Variants in SDK2 observed in about 807,000 individuals in gnomAD.
SDK2 encodes sidekick cell adhesion molecule 2.
In SDK2, 105 loss-of-function variants were observed where a neutral mutation model predicts 253.9. The ratio of observed to expected loss-of-function variants is 0.41; its 90% confidence interval spans 0.35 to 0.49. The LOEUF is 0.49. Among genes scored for constraint, SDK2 ranks in the 20% least tolerant of loss-of-function variants. SDK2 has a pLI of 0.06. For missense variants in SDK2, 2,608 were observed against 3,003.0 expected, an observed-to-expected ratio of 0.87 and a Z score of 3.07; for synonymous variants, 1,249 against 1,234.9, an observed-to-expected ratio of 1.01 and a Z score of -0.24.
intron 1 of SDK2, among the ~76,000 whole-genome samples, chr17:73,593,140 T>A (rs1278528285): frequency 6.6e-6 from 1 of 152,086 alleles, no homozygotes; most frequent in East Asian, 1.9e-4. Flanking sequence ...CTGCAGGTCT[T>A]CCCTCGACAG....
At chr17:73,394,001 C>T (rs1364781384) in intron 26 of SDK2, among the ~76,000 whole-genome samples, 1 of 152,234 alleles carries the variant, frequency 6.6e-6, no homozygotes, top group Non-Finnish European at 1.5e-5. Context: ...TGGAGCAGCC[C>T]TAGGCCCTGG....
chr17:73,604,457 C>T (rs969461927), intron 1 of SDK2, among the ~76,000 whole-genome samples: 1 of 152,242 alleles, frequency 6.6e-6, no homozygotes, highest in African/African-American at 2.4e-5. Context: ...TGCAACCACA[C>T]ATGACACTTT....
At chr17:73,504,236 A>AGAGAG (rs2063914254) in intron 2 of SDK2, 2 of 91,646 alleles carry the variant, frequency 2.2e-5, no homozygotes, top group African/African-American at 8.7e-5. Context: ...GAGAGAGAGA[A>AGAGAG]AGTGTGTGTG....
At position 73,379,662 on chromosome 17, in the gene SDK2, C is replaced by G; in HGVS notation, c.4763-113G>C. On this transcript the variant is annotated intron_variant, in intron 34 of 44. Transcript: ENST00000392650. This position sits in a 1 kb window ranked among gnomAD's most constrained non-coding sequence, Gnocchi z 4.5. The stretch of plus-strand genomic sequence containing the variant: ...GGAGGAATGAGGCACCCCCGCCATT[C>G]TAGCCCCCTCTGTGAAGGTGCATGA... 1.5e-6 allele frequency: 1 copy of G among 659,176 alleles called. No homozygotes were observed. The allele number at this position is 659,176 out of a possible 1,614,324, so 40.8% of individuals were successfully genotyped here.
chr17:73,359,686 C>T (rs1480276797), intron 39 of SDK2, among the ~76,000 whole-genome samples: 2 of 152,310 alleles, frequency 1.3e-5, no homozygotes, highest in Non-Finnish European at 2.9e-5. Flanking sequence ...CACTCTGTTG[C>T]CCAGGCGGGA....
In SDK2 at chr17:73,352,352, GTTTTTGTTCCC is replaced by G; in HGVS notation, c.5758+110_5758+120del. On this transcript the variant is annotated intron_variant, in intron 41 of 44. Transcript: ENST00000392650. This position sits in a 1 kb window ranked among gnomAD's most constrained non-coding sequence, Gnocchi z 4.1. ...CTTCACAGCCCCGAGGGGACAATGT[GTTTTTGTTCCC>G]GCCCCATGCTCCTGGTGCCCTGGTG... 7.9e-7 allele frequency: 1 copy of G among 1,271,712 alleles called. No homozygotes were observed. The highest frequency in any genetic ancestry group is 1.1e-6 in the Non-Finnish European group (1 of 930,608). The allele number at this position is 1,271,712 out of a possible 1,614,324, so 78.8% of individuals were successfully genotyped here.
chr17:73,364,423 G>A (rs1003939582), intron 38 of SDK2, among the ~76,000 whole-genome samples: 6 of 152,096 alleles, frequency 3.9e-5, no homozygotes. Context: ...AGATAGCAGT[G>A]GGGGGTGCAG....
intron 18 of SDK2, among the ~76,000 whole-genome samples, chr17:73,406,629 G>A (rs955583128): frequency 6.6e-6 from 1 of 152,174 alleles, no homozygotes. Context: ...AGGGGAGTGA[G>A]AGGACAAGGA....
intron 2 of SDK2, among the ~76,000 whole-genome samples, chr17:73,501,058 A>AG (rs796264451): frequency 7.2e-5 from 11 of 152,248 alleles, no homozygotes; most frequent in African/African-American, 2.4e-4. Context: ...GAGAAGAGGG[A>AG]GCTGAGAGCG....
intron 1 of SDK2, among the ~76,000 whole-genome samples, chr17:73,621,428 A>C (rs2046131494): frequency 6.6e-6 from 1 of 152,224 alleles, no homozygotes; most frequent in Non-Finnish European, 1.5e-5. Flanking sequence ...CATGCAACCC[A>C]TTCTCAAGAT....
chr17:73,507,635 T>G (rs555547991), intron 1 of SDK2, 38 bp from the exon 2 acceptor site: 19 of 1,542,516 alleles, frequency 1.2e-5, no homozygotes, highest in African/African-American at 2.7e-5. Context: ...AGTGATCACT[T>G]GCTCACCTAT....
chr17:73,368,625 G>A lies in SDK2; in HGVS notation c.4981-32C>T, dbSNP rs1190632570. The stretch of plus-strand genomic sequence containing the variant: ...GAACAGAAGGATGTGGGAGTGAGGG[G>A]GACAGGGGCAATGAGAGTCCCTCCT... On this transcript the variant is annotated intron_variant, in intron 36 of 44. Coordinates refer to ENST00000392650, the MANE Select transcript of SDK2 (RefSeq NM_001144952.2). 17 of 1,502,934 alleles carry A rather than the reference G, an allele frequency of 1.1e-5. No homozygotes were observed. The East Asian group carries it at 3.2e-4, about 28-fold the overall frequency. The allele number at this position is 1,502,934 out of a possible 1,614,324, so 93.1% of individuals were successfully genotyped here.
intron 39 of SDK2, among the ~76,000 whole-genome samples, chr17:73,359,542 A>T (rs1220102439): frequency 2.0e-5 from 3 of 152,136 alleles, no homozygotes; most frequent in Non-Finnish European, 4.4e-5. Flanking sequence ...CAGAGCCTGC[A>T]CCTTCTCCGG....
At chr17:73,407,290 T>C (rs2063086922) in intron 18 of SDK2, among the ~76,000 whole-genome samples, 1 of 152,076 alleles carries the variant, frequency 6.6e-6, no homozygotes, top group South Asian at 2.1e-4. Context: ...TCATACCAAA[T>C]TGCAAGGAAG....
Position 73,414,707 on chromosome 17 carries a change from G to A in SDK2, c.2421C>T (p.Thr807=). ...TGGGGGCGTTCCAGGTGAAGCGGAT[G>A]GTCGTGGAATTGGTGGCTTCCGCGT... The part of the protein sequence containing the change: ...NVHAEATNST[T]IRFTWNAPSP... The change falls in exon 18 of 45, where the codon ACC becomes ACT. Residue 807 remains threonine, a synonymous_variant. Transcript: ENST00000392650. The A allele has an allele frequency of 6.2e-7, 1 of 1,613,988 alleles. No homozygotes were observed. The highest frequency in any genetic ancestry group is 8.5e-7 in the Non-Finnish European group (1 of 1,179,884).
chr17:73,462,671 G>A (rs1220877936), intron 3 of SDK2, among the ~76,000 whole-genome samples: 1 of 152,082 alleles, frequency 6.6e-6, no homozygotes, highest in African/African-American at 2.4e-5. Context: ...TATATGTGGT[G>A]GAAGGATGGT....
chr17:73,617,085 A>G (rs2046067659), intron 1 of SDK2, among the ~76,000 whole-genome samples: 2 of 151,788 alleles, frequency 1.3e-5, no homozygotes, highest in South Asian at 4.2e-4. Context: ...GAGAGAGCTG[A>G]CCTCGCACTG....
intron 2 of SDK2, among the ~76,000 whole-genome samples, chr17:73,483,499 G>A (rs1294243857): frequency 1.8e-5 from 2 of 108,184 alleles, no homozygotes; most frequent in Admixed American, 1.1e-4. Flanking sequence ...GTGTGTGTGT[G>A]TGTGTGTGTG....
At chr17:73,536,508 C>T (rs1348170729) in intron 1 of SDK2, among the ~76,000 whole-genome samples, 3 of 152,242 alleles carry the variant, frequency 2.0e-5, no homozygotes, top group Admixed American at 2.0e-4. Flanking sequence ...GCACCTCCCA[C>T]CTCTCTTTGT....
Sources: gnomAD v4.1 joint callset for allele counts (sites outside exome capture counted in the v4.1 genomes callset) on GRCh38, gnomAD v4.1.1 for gene constraint, Gnocchi (gnomAD v3.1) non-coding constraint, MANE v1.5 for transcripts, NCBI Gene and HGNC (gene_info 2026-07-23, HGNC 2026-07-21) for gene names.